The following ARID5B variants were observed in gnomAD, a reference collection of about 807,000 sequenced individuals.
The protein encoded by ARID5B is AT-rich interactive domain-containing protein 5B.
A neutral mutation model predicts 97.2 loss-of-function variants in ARID5B; 13 were observed. That is an observed-to-expected ratio of 0.13 (90% CI 0.09 to 0.21). ARID5B has a LOEUF of 0.21. Ranked by LOEUF, ARID5B falls within the 10% of genes least tolerant of loss-of-function variation. The pLI is 1.00. For missense variants in ARID5B, 1,210 were observed against 1,465.3 expected, an observed-to-expected ratio of 0.83 and a Z score of 2.84; for synonymous variants, 556 against 570.3, an observed-to-expected ratio of 0.97 and a Z score of 0.36.
chr10:61,943,069 T>G (rs1170374039), intron 3 of ARID5B, among the ~76,000 whole-genome samples: 4 of 152,166 alleles, frequency 2.6e-5, no homozygotes, highest in South Asian at 2.1e-4. Flanking sequence ...ACAAATAGCT[T>G]TTGTAATTGG....
At chr10:61,948,619 G>T (rs1838276590) in intron 3 of ARID5B, among the ~76,000 whole-genome samples, 1 of 152,086 alleles carries the variant, frequency 6.6e-6, no homozygotes, top group African/African-American at 2.4e-5. Context: ...GCCCACCTTG[G>T]CCTACCAAAG....
At chr10:62,021,068 A>ATATATC (rs1193110744) in intron 4 of ARID5B, among the ~76,000 whole-genome samples, 19 of 134,788 alleles carry the variant, frequency 1.4e-4, no homozygotes, top group Non-Finnish European at 2.2e-4. Context: ...ATATATATAT[A>ATATATC]TCTCAGAAGA....
At chr10:61,907,055 T>G (rs186644775) in intron 2 of ARID5B, among the ~76,000 whole-genome samples, 13 of 152,314 alleles carry the variant, frequency 8.5e-5, no homozygotes, top group Non-Finnish European at 4.4e-5. Context: ...TACTGAAAAG[T>G]TTTTCCGTGT....
At chr10:62,002,882 G>A (rs1024801910) in intron 4 of ARID5B, among the ~76,000 whole-genome samples, 1 of 152,074 alleles carries the variant, frequency 6.6e-6, no homozygotes, top group Non-Finnish European at 1.5e-5. Flanking sequence ...TCAGTAATTG[G>A]TCAAATGTAA....
At position 61,901,747 on chromosome 10, in the gene ARID5B, C is replaced by G; in HGVS notation, c.21+17C>G. The stretch of plus-strand genomic sequence containing the variant: ...TCACTCCAGGTATTTCGCTCTCCTC[C>G]GCTCCTCCGATCCCGGCACCCCCCG... On this transcript the variant is annotated intron_variant, in intron 1 of 9. Coordinates refer to ENST00000279873, the MANE Select transcript of ARID5B (RefSeq NM_032199.3). 1.2e-6 allele frequency: 2 copies of G among 1,613,372 alleles called. No individual in the cohort carries two copies. The highest frequency in any genetic ancestry group is 1.7e-6 in the Non-Finnish European group (2 of 1,179,714).
At chr10:61,962,386 C>T (rs1838483893) in intron 3 of ARID5B, among the ~76,000 whole-genome samples, 1 of 152,156 alleles carries the variant, frequency 6.6e-6, no homozygotes, top group African/African-American at 2.4e-5. Context: ...AGCTGAAGCA[C>T]CATTAGAAAC....
chr10:61,931,628 C>G (rs900828371), intron 2 of ARID5B, among the ~76,000 whole-genome samples: 2 of 152,146 alleles, frequency 1.3e-5, no homozygotes, highest in Non-Finnish European at 2.9e-5. Context: ...TAAAAGAACT[C>G]TCAAAACTCA....
intron 3 of ARID5B, among the ~76,000 whole-genome samples, chr10:61,960,443 C>T (rs891045324): frequency 6.6e-6 from 1 of 152,112 alleles, no homozygotes; most frequent in Non-Finnish European, 1.5e-5. Context: ...CTTTTGGAAG[C>T]CTTTTGCCTC....
chr10:61,931,939 T>C (rs941086055), intron 2 of ARID5B, among the ~76,000 whole-genome samples: 4 of 152,130 alleles, frequency 2.6e-5, no homozygotes, highest in Admixed American at 6.5e-5. Context: ...TGGAAAACAG[T>C]TGGGCAGTCT....
At chr10:61,902,549 G>T (rs1200206452) in intron 2 of ARID5B, 136 bp downstream of exon 2, 3 of 1,220,968 alleles carry the variant, frequency 2.5e-6, no homozygotes, top group Non-Finnish European at 2.3e-6. Flanking sequence ...AAGGGGTAGC[G>T]CCACTAGCTG....
intron 3 of ARID5B, among the ~76,000 whole-genome samples, chr10:61,993,142 C>T (rs1440588944): frequency 6.6e-6 from 1 of 151,994 alleles, no homozygotes; most frequent in Admixed American, 6.6e-5. Flanking sequence ...CACACACACA[C>T]ACACACACGC....
chr10:62,053,461 T>C (rs1839817350), intron 5 of ARID5B, among the ~76,000 whole-genome samples: 1 of 152,178 alleles, frequency 6.6e-6, no homozygotes, highest in Admixed American at 6.5e-5. Flanking sequence ...GAGAGAGAAT[T>C]ACATGGCTCC....
intron 2 of ARID5B, among the ~76,000 whole-genome samples, chr10:61,904,050 C>T (rs1843667799): frequency 7.3e-6 from 1 of 137,602 alleles, no homozygotes; most frequent in Non-Finnish European, 1.6e-5. Context: ...TGGCTCGGCC[C>T]CCTCCCCCGA....
chr10:62,070,249 C>G (rs192066879), intron 8 of ARID5B, among the ~76,000 whole-genome samples: 1 of 152,228 alleles, frequency 6.6e-6, no homozygotes, highest in East Asian at 1.9e-4. Flanking sequence ...TTTATTTCAT[C>G]CTGGTATTTT....
chr10:62,002,738 G>A (rs1372034979), intron 4 of ARID5B, among the ~76,000 whole-genome samples: 1 of 152,170 alleles, frequency 6.6e-6, no homozygotes, highest in Non-Finnish European at 1.5e-5. Context: ...TTAGTGACTA[G>A]CATTAAACAA....
chr10:62,009,184 G>A (rs1839185200), intron 4 of ARID5B, among the ~76,000 whole-genome samples: 2 of 152,180 alleles, frequency 1.3e-5, no homozygotes, highest in African/African-American at 4.8e-5. Flanking sequence ...TGGGCTTTAT[G>A]TTCCCTTAGG....
At chr10:61,967,444 C>T (rs1838561501) in intron 3 of ARID5B, among the ~76,000 whole-genome samples, 1 of 152,182 alleles carries the variant, frequency 6.6e-6, no homozygotes, top group East Asian at 1.9e-4. Context: ...CTTCAGCCAC[C>T]ACCACAATTC....
chr10:62,004,970 A>C (rs1167317573), intron 4 of ARID5B, among the ~76,000 whole-genome samples: 1 of 152,236 alleles, frequency 6.6e-6, no homozygotes, highest in African/African-American at 2.4e-5. Context: ...GAAATGGTTG[A>C]CTTAAAAAAG....
chr10:62,059,467 GTTTGGCAA>G (rs1168838598), intron 7 of ARID5B, among the ~76,000 whole-genome samples, 172 bp downstream of exon 7: 1 of 152,154 alleles, frequency 6.6e-6, no homozygotes, highest in Non-Finnish European at 1.5e-5. Flanking sequence ...TTAGTTCCAG[GTTTGGCAA>G]AATTGTAAAC....
Sources: gnomAD v4.1 joint callset for allele counts (sites outside exome capture counted in the v4.1 genomes callset) on GRCh38, gnomAD v4.1.1 for gene constraint, MANE v1.5 for transcripts, NCBI Gene and HGNC (gene_info 2026-07-23, HGNC 2026-07-21) for gene names.